The following FCHO2 variants were observed in gnomAD, a reference collection of about 807,000 sequenced individuals.
The protein encoded by FCHO2 is FCH and mu domain containing endocytic adaptor 2, also known as F-BAR domain only protein 2.
In FCHO2, 43 loss-of-function variants were observed where a neutral mutation model predicts 114.1. The ratio of observed to expected loss-of-function variants is 0.38; its 90% CI spans 0.30 to 0.49. The LOEUF (loss-of-function observed/expected upper bound fraction) is 0.49, where lower values mean the gene tolerates loss of function less well. Ranked by LOEUF, FCHO2 falls within the 20% of genes least tolerant of loss-of-function variation. FCHO2 has a pLI of 0.97. For synonymous variants in FCHO2, 293 were observed against 315.2 expected (o/e 0.93, Z 0.75); for missense variants, 807 against 950.4 (o/e 0.85, Z 1.98).
chr5:73,077,151 T>C (rs1168516737), intron 20 of FCHO2, among the ~76,000 whole-genome samples, 187 bp from the exon 21 acceptor site: 2 of 152,244 alleles, frequency 1.3e-5, no homozygotes, highest in Non-Finnish European at 2.9e-5. Flanking sequence ...AGTATACTAT[T>C]TCATGTATAT....
At chr5:73,022,320 A>G (rs1755670881) in intron 8 of FCHO2, among the ~76,000 whole-genome samples, 1 of 152,170 alleles carries the variant, frequency 6.6e-6, no homozygotes, top group Admixed American at 6.5e-5. Flanking sequence ...ATTACACTAG[A>G]GAGTAATTGG....
chr5:73,004,739 G>A (rs2112710936), intron 5 of FCHO2, among the ~76,000 whole-genome samples: 1 of 152,052 alleles, frequency 6.6e-6, no homozygotes, highest in Non-Finnish European at 1.5e-5. Flanking sequence ...CACTTTCCTT[G>A]GTTTCAGTTA....
At chr5:73,047,162 T>C (rs993989018) in intron 11 of FCHO2, among the ~76,000 whole-genome samples, 1 of 149,770 alleles carries the variant, frequency 6.7e-6, no homozygotes, top group African/African-American at 2.6e-5. Context: ...TCTCTCTGTT[T>C]GTGCATGTGT....
chr5:72,991,284 G>A (rs1322765623), intron 5 of FCHO2, among the ~76,000 whole-genome samples: 1 of 152,078 alleles, frequency 6.6e-6, no homozygotes, highest in Non-Finnish European at 1.5e-5. Flanking sequence ...GGTTGGTCTC[G>A]AACTCCTGAC....
intron 8 of FCHO2, among the ~76,000 whole-genome samples, chr5:73,023,728 AACAC>A (rs1327895696): frequency 4.6e-5 from 7 of 152,168 alleles, no homozygotes; most frequent in African/African-American, 1.7e-4. Flanking sequence ...ATGTAGTCCA[AACAC>A]ATTTATTTAA....
chr5:72,984,903 C>T (rs184544718), intron 2 of FCHO2, among the ~76,000 whole-genome samples: 15 of 151,960 alleles, frequency 9.9e-5, no homozygotes, highest in South Asian at 2.1e-4. Context: ...CCCAAAGAGT[C>T]GGGATTACAG....
chr5:73,030,692 T>C (rs925881188), intron 8 of FCHO2, among the ~76,000 whole-genome samples: 5 of 152,188 alleles, frequency 3.3e-5, no homozygotes, highest in African/African-American at 1.2e-4. Flanking sequence ...ATATTTGAGC[T>C]CCACCCTAGA....
intron 18 of FCHO2, 60 bp downstream of exon 18, chr5:73,064,004 T>A: frequency 7.1e-7 from 1 of 1,412,814 alleles, no homozygotes; most frequent in Non-Finnish European, 9.8e-7. Context: ...GCAAATGCTA[T>A]TTTTCTATAT....
intron 18 of FCHO2, 128 bp downstream of exon 18, chr5:73,064,072 A>G: frequency 1.2e-6 from 1 of 829,636 alleles, no homozygotes; most frequent in Non-Finnish European, 1.9e-6. Context: ...GTATAGAAAA[A>G]TTTTCCCAGC....
intron 5 of FCHO2, chr5:72,997,292 G>C (rs1470797049): frequency 6.9e-7 from 1 of 1,447,068 alleles, no homozygotes; most frequent in East Asian, 2.3e-5. Flanking sequence ...GTGGGAGCTG[G>C]TAGTGTTTAT....
At chr5:72,957,265 T>A (rs1751603944) in intron 1 of FCHO2, among the ~76,000 whole-genome samples, 1 of 152,218 alleles carries the variant, frequency 6.6e-6, no homozygotes, top group Non-Finnish European at 1.5e-5. Flanking sequence ...TAAAGTGTAG[T>A]ACAATTCAGA....
At chr5:73,018,394 A>G (rs554481578) in intron 8 of FCHO2, among the ~76,000 whole-genome samples, 1 of 152,264 alleles carries the variant, frequency 6.6e-6, no homozygotes, top group East Asian at 1.9e-4. Context: ...CTATACAGTT[A>G]TGAACTTATA....
intron 8 of FCHO2, among the ~76,000 whole-genome samples, chr5:73,018,001 TTAATC>T (rs1185355417): frequency 6.6e-6 from 1 of 152,080 alleles, no homozygotes; most frequent in Non-Finnish European, 1.5e-5. Context: ...CCAGATTTCT[TTAATC>T]TATTTATTAG....
At chr5:72,966,072 T>C (rs1752183846) in intron 1 of FCHO2, among the ~76,000 whole-genome samples, 1 of 152,202 alleles carries the variant, frequency 6.6e-6, no homozygotes, top group Non-Finnish European at 1.5e-5. Context: ...TTTCAAATCT[T>C]GGACTCACCA....
chr5:73,017,681 T>G (rs1441327647), intron 8 of FCHO2, among the ~76,000 whole-genome samples: 2 of 152,130 alleles, frequency 1.3e-5, no homozygotes, highest in Non-Finnish European at 2.9e-5. Flanking sequence ...AAAGAAAGAT[T>G]GGGAGAGAAT....
Position 72,978,593 on chromosome 5 carries a change from C to G in FCHO2, c.125+10004C>G, listed in dbSNP as rs182216837. Among the ~76,000 whole-genome samples the G allele has an allele frequency of 1.3e-3, 195 of 152,132 alleles. 1 individual carries two copies. Among genetic ancestry groups the G allele is most frequent in the African/African-American group, 4.6e-3 (190 of 41,520 alleles). On this transcript the variant is annotated intron_variant, in intron 2 of 25. Transcript: ENST00000430046. ...ACATCCCCTTTTCCTATTTGAATAC[C>G]CTTTATTTTTTTCTCTTTCCTGATT...
intron 20 of FCHO2, 50 bp from the exon 21 acceptor site, chr5:73,077,288 A>G (rs1742945072): frequency 1.3e-6 from 2 of 1,513,226 alleles, no homozygotes; most frequent in South Asian, 1.3e-5. Flanking sequence ...AATACTTTAA[A>G]TAGAGATTAG....
intron 5 of FCHO2, among the ~76,000 whole-genome samples, chr5:73,001,847 T>A (rs1292292473): frequency 6.6e-6 from 1 of 151,748 alleles, no homozygotes; most frequent in Non-Finnish European, 1.5e-5. Context: ...GCTAAAGTAC[T>A]TGAGCCCAGT....
Position 73,082,757 on chromosome 5 carries a change from G to A in FCHO2, c.2181-4G>A. The A allele has an allele frequency of 7.5e-6, 12 of 1,601,882 alleles. No homozygotes were observed. The highest frequency in any genetic ancestry group is 1.0e-5 in the Non-Finnish European group (12 of 1,173,806). ...AAACCTGAAGATATCTGTTCTTATT[G>A]CAGGAATGCAGAACAAATGAAAGCC... On this transcript the variant is annotated splice_polypyrimidine_tract_variant and splice_region_variant and intron_variant, in intron 23 of 25. Transcript: ENST00000430046.
Sources: gnomAD v4.1 joint callset for allele counts (sites outside exome capture counted in the v4.1 genomes callset) on GRCh38, gnomAD v4.1.1 for gene constraint, MANE v1.5 for transcripts, NCBI Gene and HGNC (gene_info 2026-07-23, HGNC 2026-07-21) for gene names.